The following SH3PXD2A variants were observed in gnomAD, a reference collection of about 807,000 sequenced individuals.
SH3PXD2A encodes the protein SH3 and PX domain-containing protein 2A.
A neutral mutation model predicts 115.2 loss-of-function variants in SH3PXD2A; 32 were observed. The ratio of observed to expected loss-of-function variants is 0.28; its 90% CI spans 0.21 to 0.37. The LOEUF (loss-of-function observed/expected upper bound fraction) is 0.37, where lower values mean the gene tolerates loss of function less well. Among genes scored for constraint, SH3PXD2A ranks in the 10% least tolerant of loss-of-function variants. The pLI, the probability that SH3PXD2A is intolerant of heterozygous loss-of-function variation, is 1.00. For missense variants in SH3PXD2A, 1,328 were observed against 1,498.7 expected (o/e 0.89, Z 1.88); for synonymous variants, 610 against 629.1 (o/e 0.97, Z 0.45).
At chr10:103,811,077 C>G (rs1002033540) in intron 1 of SH3PXD2A, among the ~76,000 whole-genome samples, 1 of 152,176 alleles carries the variant, frequency 6.6e-6, no homozygotes, top group African/African-American at 2.4e-5. Context: ...AAAACAATGA[C>G]GGTCCCCAGG....
Position 103,601,155 on chromosome 10 carries a change from T to A in SH3PXD2A, c.*661A>T, listed in dbSNP as rs1156616661. 6.6e-6 allele frequency: 1 copy of A among 152,254 alleles called. No homozygotes were observed. Among genetic ancestry groups the A allele is most frequent in the Non-Finnish European group, 1.5e-5 (1 of 68,070 alleles). 9.4% of individuals were successfully genotyped at this position (152,254 alleles called of 1,614,324 possible). A position where few individuals can be genotyped will look rare whatever the true frequency, so the allele number is the denominator to read the frequency against. On this transcript the variant is annotated 3_prime_UTR_variant, in exon 15 of 15. Coordinates refer to ENST00000369774, the MANE Select transcript of SH3PXD2A (RefSeq NM_001394015.1). ...GGCTCTCTTCTCAAGGCCAAGACAGTGACAGTTATGAAAGATGGTCTTTGC... is the reference window on the plus strand; with the variant it reads ...GGCTCTCTTCTCAAGGCCAAGACAGAGACAGTTATGAAAGATGGTCTTTGC...
At chr10:103,651,503 G>A (rs1051730447) in intron 8 of SH3PXD2A, among the ~76,000 whole-genome samples, 1 of 152,224 alleles carries the variant, frequency 6.6e-6, no homozygotes, top group African/African-American at 2.4e-5. Flanking sequence ...TTGCAAAGAA[G>A]TGAAATCTAC....
intron 3 of SH3PXD2A, among the ~76,000 whole-genome samples, chr10:103,739,095 A>C (rs1321377840): frequency 6.6e-6 from 1 of 152,188 alleles, no homozygotes; most frequent in Non-Finnish European, 1.5e-5. Context: ...GTTAAGGAGC[A>C]CTGAGGCCTC....
At chr10:103,732,521 G>C (rs1202430508) in intron 4 of SH3PXD2A, among the ~76,000 whole-genome samples, 2 of 152,190 alleles carry the variant, frequency 1.3e-5, no homozygotes, top group Non-Finnish European at 2.9e-5. Flanking sequence ...CACTGATATT[G>C]GGCTGTGAAA....
At chr10:103,709,834 G>A (rs1177003859) in intron 5 of SH3PXD2A, among the ~76,000 whole-genome samples, 1 of 152,220 alleles carries the variant, frequency 6.6e-6, no homozygotes, top group Non-Finnish European at 1.5e-5. Context: ...GGCCGGGCAA[G>A]GTGGCTCATG....
intron 1 of SH3PXD2A, among the ~76,000 whole-genome samples, chr10:103,838,368 A>G (rs1048440140): frequency 2.0e-5 from 3 of 152,154 alleles, no homozygotes; most frequent in Non-Finnish European, 4.4e-5. Flanking sequence ...TAACGACCCT[A>G]TGGGGAAGGT....
At chr10:103,670,739 G>T (rs1304683848) in intron 6 of SH3PXD2A, among the ~76,000 whole-genome samples, 4 of 152,252 alleles carry the variant, frequency 2.6e-5, no homozygotes, top group Non-Finnish European at 5.9e-5. Context: ...GCAGTCAGCA[G>T]CCTCCTTGGG....
chr10:103,599,359 C>T lies in SH3PXD2A; in HGVS notation c.*2457G>A, dbSNP rs1304589682. 1 of 152,682 alleles carries T rather than the reference C, an allele frequency of 6.5e-6. No individual in the cohort carries two copies. Among genetic ancestry groups the T allele is most frequent in the African/African-American group, 2.4e-5 (1 of 41,414 alleles). The allele number at this position is 152,682 out of a possible 1,614,324, so 9.5% of individuals were successfully genotyped here. On this transcript the variant is annotated 3_prime_UTR_variant, in exon 15 of 15. Coordinates refer to ENST00000369774, the MANE Select transcript of SH3PXD2A (RefSeq NM_001394015.1). The stretch of plus-strand genomic sequence containing the variant: ...TCGGGAGCACTGTGGTCCAGTCCAA[C>T]TGAGATGCTCTGTGCTTGGCAGACA...
intron 13 of SH3PXD2A, among the ~76,000 whole-genome samples, chr10:103,608,239 A>C (rs1337008319): frequency 1.4e-5 from 2 of 147,928 alleles, no homozygotes; most frequent in Non-Finnish European, 3.0e-5. Flanking sequence ...AGGCTTCCGG[A>C]GTCCCGGAAG....
chr10:103,656,781 T>A (rs578040094), intron 8 of SH3PXD2A, among the ~76,000 whole-genome samples: 2 of 141,924 alleles, frequency 1.4e-5, no homozygotes, highest in East Asian at 4.2e-4. Context: ...TGAGCCGAGA[T>A]CATGCCACTG....
In SH3PXD2A at chr10:103,627,522, G is replaced by A. The variant is rs905657714; in HGVS notation, c.605-320C>T. The stretch of plus-strand genomic sequence containing the variant: ...TCATCTTGCAGGAAAGGCCAAGGGA[G>A]CTCCGGCCATACAGAGAGACCATTT... On this transcript the variant is annotated intron_variant, in intron 8 of 14. Transcript: ENST00000369774. This position sits in a 1 kb window ranked among gnomAD's most constrained non-coding sequence, Gnocchi z 4.4. 2.0e-5 allele frequency among the ~76,000 whole-genome samples: 3 copies of A among 152,194 alleles called. No individual in the cohort carries two copies. Among genetic ancestry groups the A allele is most frequent in the Admixed American group, 1.3e-4 (2 of 15,290 alleles).
At position 103,666,403 on chromosome 10, in the gene SH3PXD2A, CT is replaced by C. The variant is rs2037384436; in HGVS notation, c.472+2204del. Among the ~76,000 whole-genome samples, 1 of 152,240 alleles carries C rather than the reference CT, an allele frequency of 6.6e-6. No individual in the cohort carries two copies. Among genetic ancestry groups the C allele is most frequent in the Non-Finnish European group, 1.5e-5 (1 of 68,040 alleles). ...CCAAGCATCTCTGTCCTCCAGGAGGCTCCTGATCACTCTTGTTCCCTCTTTT... is the reference window on the plus strand; with the variant it reads ...CCAAGCATCTCTGTCCTCCAGGAGGCCCTGATCACTCTTGTTCCCTCTTTT... On this transcript the variant is annotated intron_variant, in intron 7 of 14. Coordinates refer to ENST00000369774, the MANE Select transcript of SH3PXD2A (RefSeq NM_001394015.1). This position sits in a 1 kb window ranked among gnomAD's most constrained non-coding sequence, Gnocchi z 4.5.
At chr10:103,748,253 C>T (rs1381833620) in intron 3 of SH3PXD2A, among the ~76,000 whole-genome samples, 3 of 152,168 alleles carry the variant, frequency 2.0e-5, no homozygotes, top group African/African-American at 4.8e-5. Flanking sequence ...TTGAGTGCCC[C>T]GCCCAGGGTT....
At chr10:103,650,091 G>A (rs967219722) in intron 8 of SH3PXD2A, among the ~76,000 whole-genome samples, 2 of 152,220 alleles carry the variant, frequency 1.3e-5, no homozygotes, top group African/African-American at 4.8e-5. Flanking sequence ...AAATGCACAG[G>A]GATGGGGAGG....
chr10:103,728,868 A>C (rs1182672447), intron 4 of SH3PXD2A, among the ~76,000 whole-genome samples: 2 of 150,156 alleles, frequency 1.3e-5, no homozygotes, highest in African/African-American at 2.5e-5. Flanking sequence ...AGTAAGTAGC[A>C]AAGAGTTGTT....
intron 6 of SH3PXD2A, among the ~76,000 whole-genome samples, chr10:103,670,249 G>A (rs2037438830): frequency 6.6e-6 from 1 of 152,170 alleles, no homozygotes; most frequent in African/African-American, 2.4e-5. Flanking sequence ...GGGTCTGACT[G>A]CCTGGGTTCA....
At position 103,627,173 on chromosome 10, in the gene SH3PXD2A, G is replaced by C. The variant is rs1268864724; in HGVS notation, c.634C>G (p.Gln212Glu). 6.2e-7 allele frequency: 1 copy of C among 1,612,442 alleles called. No individual in the cohort carries two copies. The highest frequency in any genetic ancestry group is 1.3e-5 in the African/African-American group (1 of 74,876). Residue 212 changes from glutamine (Q) to glutamate (E), a missense_variant, in exon 9 of 15, where the codon CAG (glutamine) becomes GAG (glutamate). This residue lies in a region of SH3PXD2A where 509 missense variants were observed against 628.3 expected (regional missense o/e 0.81). Transcript: ENST00000369774. The surrounding 1 kb of genome is among the most constrained non-coding windows in gnomAD (Gnocchi z 4.4). ...AGGTAGGTGGCAGGGACCCAGCCCT[G>C]CTCCTCAGAAGTGCTCACGAACCAC... ...GWWFVSTSEE[Q>E]GWVPATYLEA... is the part of the protein sequence containing the mutation.
At chr10:103,843,932 T>A (rs1358829548) in intron 1 of SH3PXD2A, among the ~76,000 whole-genome samples, 1 of 152,124 alleles carries the variant, frequency 6.6e-6, no homozygotes, top group Non-Finnish European at 1.5e-5. Flanking sequence ...AGTGCCTGCA[T>A]CTAAAATGGA....
chr10:103,646,583 C>A (rs1386275226), intron 8 of SH3PXD2A, among the ~76,000 whole-genome samples: 4 of 152,196 alleles, frequency 2.6e-5, no homozygotes, highest in East Asian at 1.9e-4. Context: ...AGAGAGCCAA[C>A]CACCTTGTCC....
Sources: gnomAD v4.1 joint callset for allele counts (sites outside exome capture counted in the v4.1 genomes callset) on GRCh38, gnomAD v4.1.1 for gene constraint, gnomAD v4.1.1 regional missense constraint, Gnocchi (gnomAD v3.1) non-coding constraint, MANE v1.5 for transcripts, NCBI Gene and HGNC (gene_info 2026-07-23, HGNC 2026-07-21) for gene names.